The following NELL2 variants were observed in gnomAD, a reference collection of about 807,000 sequenced individuals.
The protein encoded by NELL2 is neural EGFL like 2, also known as protein kinase C-binding protein NELL2.
A neutral mutation model predicts 109.6 loss-of-function variants in NELL2; 41 were observed. The observed-to-expected ratio is 0.37, with a 90% confidence interval of 0.29 to 0.49. The LOEUF is 0.49. Among genes scored for constraint, NELL2 ranks in the 20% least tolerant of loss-of-function variants. The probability of loss-of-function intolerance (pLI) is 0.98; values close to 1 mark genes in which losing one functional copy is unlikely to be tolerated. For missense variants in NELL2, 900 were observed against 1,008.3 expected, an observed-to-expected ratio of 0.89 and a Z score of 1.45; for synonymous variants, 355 against 344.7, an observed-to-expected ratio of 1.03 and a Z score of -0.33.
chr12:44,766,182 A>G (rs1281070477), intron 9 of NELL2, among the ~76,000 whole-genome samples: 7 of 152,062 alleles, frequency 4.6e-5, no homozygotes, highest in Non-Finnish European at 7.4e-5. Flanking sequence ...CCTTCCTCAT[A>G]CTAAGCTCCT....
intron 2 of NELL2, among the ~76,000 whole-genome samples, chr12:44,835,824 T>C (rs7980651): frequency 0.014 from 2,061 of 152,258 alleles, 47 homozygotes; most frequent in African/African-American, 0.047. Context: ...ATGCAAGCTG[T>C]AAGCTAGATA....
intron 12 of NELL2, among the ~76,000 whole-genome samples, chr12:44,678,862 TG>T (rs1948403323): frequency 6.6e-6 from 1 of 151,988 alleles, no homozygotes; most frequent in Admixed American, 6.6e-5. Context: ...GGAGGGGATA[TG>T]TGATGACAAG....
intron 12 of NELL2, among the ~76,000 whole-genome samples, chr12:44,692,431 T>A (rs1055973055): frequency 1.3e-5 from 2 of 152,156 alleles, no homozygotes; most frequent in Non-Finnish European, 2.9e-5. Context: ...ACTAGGAGAT[T>A]AATGTTTTCA....
chr12:44,666,870 T>C (rs1947941622), intron 12 of NELL2, among the ~76,000 whole-genome samples: 1 of 152,174 alleles, frequency 6.6e-6, no homozygotes, highest in Non-Finnish European at 1.5e-5. Flanking sequence ...GGCCACATAG[T>C]TTCTAACCTA....
chr12:44,787,341 T>C (rs1942215975), intron 3 of NELL2, among the ~76,000 whole-genome samples: 1 of 152,082 alleles, frequency 6.6e-6, no homozygotes, highest in African/African-American at 2.4e-5. Flanking sequence ...AGAAGTCAAT[T>C]CTCCCCAGTG....
chr12:44,766,835 T>A (rs935726851), intron 9 of NELL2, among the ~76,000 whole-genome samples: 1 of 152,216 alleles, frequency 6.6e-6, no homozygotes, highest in Middle Eastern at 3.2e-3. Context: ...CGCTTTCTTC[T>A]GAAAAGTCTT....
At chr12:44,786,480 G>A (rs1942175634) in intron 3 of NELL2, among the ~76,000 whole-genome samples, 1 of 152,126 alleles carries the variant, frequency 6.6e-6, no homozygotes, top group African/African-American at 2.4e-5. Context: ...ATTCCTCAAG[G>A]ATCTAGAACC....
At chr12:44,611,041 G>A (rs2305448) in intron 13 of NELL2, 71 bp from the exon 14 acceptor site, 787,536 of 1,479,624 alleles carry the variant, frequency 0.53, 212,968 homozygotes, top group East Asian at 0.73. Flanking sequence ...TACACCTTCA[G>A]TCTTGGTTAT....
intron 15 of NELL2, among the ~76,000 whole-genome samples, chr12:44,574,902 T>G (rs1422512817): frequency 2.6e-5 from 4 of 152,226 alleles, no homozygotes; most frequent in African/African-American, 7.2e-5. Context: ...TCCCTGTTTC[T>G]CTGCTTTACT....
chr12:44,582,407 G>A (rs1044873201), intron 15 of NELL2, among the ~76,000 whole-genome samples: 5 of 151,948 alleles, frequency 3.3e-5, no homozygotes, highest in Non-Finnish European at 7.4e-5. Flanking sequence ...GAAAGAGCAA[G>A]AAAGTTAGGG....
intron 13 of NELL2, among the ~76,000 whole-genome samples, chr12:44,638,554 T>C (rs990253699): frequency 6.6e-6 from 1 of 152,156 alleles, no homozygotes; most frequent in Non-Finnish European, 1.5e-5. Context: ...GAGCTGAGTC[T>C]TGTAAGCAGA....
At chr12:44,558,138 T>G (rs549426077) in intron 15 of NELL2, among the ~76,000 whole-genome samples, 2 of 152,290 alleles carry the variant, frequency 1.3e-5, no homozygotes, top group South Asian at 4.1e-4. Flanking sequence ...TTTAAGGAAT[T>G]ACTTAAGGTA....
intron 15 of NELL2, among the ~76,000 whole-genome samples, chr12:44,568,213 G>A (rs905898121): frequency 1.7e-4 from 26 of 152,110 alleles, no homozygotes; most frequent in African/African-American, 6.3e-4. Flanking sequence ...CTAAGTTTGT[G>A]TAAAGGAAAA....
At chr12:44,845,725 A>G (rs1018401415) in intron 2 of NELL2, among the ~76,000 whole-genome samples, 3 of 152,228 alleles carry the variant, frequency 2.0e-5, no homozygotes, top group African/African-American at 7.2e-5. Context: ...GAGATTTTTC[A>G]TAAACACATG....
intron 2 of NELL2, among the ~76,000 whole-genome samples, chr12:44,841,739 A>G (rs534458047): frequency 6.6e-6 from 1 of 152,270 alleles, no homozygotes; most frequent in Middle Eastern, 3.4e-3. Flanking sequence ...TATAAGCTGA[A>G]CAGAGATTCC....
Position 44,520,145 on chromosome 12 carries a change from G to T in NELL2, c.2260C>A (p.Arg754Ser). The change falls in exon 19 of 20, where the codon CGC becomes AGC. Residue 754 changes from arginine (R) to serine (S), a missense_variant. Around this residue, in one of 4 missense-constraint regions of NELL2, gnomAD observed 333 missense variants for 432.3 expected, o/e 0.77. Coordinates refer to ENST00000429094, the MANE Select transcript of NELL2 (RefSeq NM_001145108.2). ...SILPENECCP[R>S]CVTDPCQADT... is the part of the protein sequence containing the mutation. ...GCCTGGCAAGGGTCTGTGACACAGC[G>T]CGGGCAGCACTCATTCTCTGGGAGA... The T allele has an allele frequency of 6.2e-7, 1 of 1,614,052 alleles. No homozygotes were observed. Among genetic ancestry groups the T allele is most frequent in the Non-Finnish European group, 8.5e-7 (1 of 1,180,000 alleles).
At chr12:44,825,585 G>A (rs1321205918) in intron 2 of NELL2, among the ~76,000 whole-genome samples, 2 of 149,152 alleles carry the variant, frequency 1.3e-5, no homozygotes, top group Admixed American at 6.6e-5. Context: ...TAGTAGAGAC[G>A]AGTTTTCACC....
upstream of NELL2, among the ~76,000 whole-genome samples, chr12:44,881,289 A>G: frequency 6.6e-6 from 1 of 152,014 alleles, no homozygotes; most frequent in Non-Finnish European, 1.5e-5. Context: ...ATCAACAGAT[A>G]CCAATGCCAA....
intron 2 of NELL2, among the ~76,000 whole-genome samples, chr12:44,869,064 C>T (rs902698347): frequency 3.3e-5 from 5 of 152,078 alleles, no homozygotes; most frequent in African/African-American, 1.2e-4. Context: ...AGTCTCAAAT[C>T]TCATCATCCA....
Sources: allele counts gnomAD v4.1 joint callset (sites outside exome capture counted in the v4.1 genomes callset), GRCh38; gene constraint gnomAD v4.1.1; regional missense constraint gnomAD v4.1.1; transcripts MANE v1.5; gene names NCBI Gene and HGNC (gene_info 2026-07-23, HGNC 2026-07-21).